Variants in SDHA observed in about 807,000 individuals in gnomAD.
The protein encoded by SDHA is succinate dehydrogenase complex flavoprotein subunit A, also known as succinate dehydrogenase [ubiquinone] flavoprotein subunit, mitochondrial.
SDHA carries 48 observed loss-of-function variants against 78.4 expected under a neutral mutation model. The observed-to-expected ratio is 0.61, with a 90% confidence interval of 0.49 to 0.78. The LOEUF (loss-of-function observed/expected upper bound fraction) is 0.78, where lower values mean the gene tolerates loss of function less well. Ranked by LOEUF, SDHA falls within the 30% of genes least tolerant of loss-of-function variation. SDHA has a pLI of 0.00. For synonymous variants in SDHA, 326 were observed against 353.9 expected (o/e 0.92, Z 0.88); for missense variants, 680 against 892.7 (o/e 0.76, Z 3.04).
At chr5:253,318 A>G (rs1218900088) in intron 13 of SDHA, among the ~76,000 whole-genome samples, 1 of 152,200 alleles carries the variant, frequency 6.6e-6, no homozygotes, top group African/African-American at 2.4e-5. Flanking sequence ...CTCCACTAGA[A>G]TATGCTGATG....
intron 11 of SDHA, among the ~76,000 whole-genome samples, chr5:244,829 G>C (rs928149925): frequency 6.6e-6 from 1 of 152,174 alleles, no homozygotes; most frequent in Non-Finnish European, 1.5e-5. Flanking sequence ...TTATTACAAC[G>C]ATGGGGAGCA....
intron 6 of SDHA, among the ~76,000 whole-genome samples, chr5:230,519 G>A (rs956650250): frequency 7.9e-5 from 12 of 152,144 alleles, no homozygotes; most frequent in African/African-American, 1.9e-4. Context: ...CCAGCTACTC[G>A]GGAGGCTGAG....
chr5:257,797 C>A (rs1419147902), downstream of SDHA, among the ~76,000 whole-genome samples: 2 of 89,550 alleles, frequency 2.2e-5, no homozygotes, highest in South Asian at 4.1e-4. Context: ...TGAGCTCCAC[C>A]CCCTGCCAGA....
rs780654623 is a variant in SDHA at position 225,479 on chromosome 5, G to A, written c.373G>A (p.Asp125Asn). Residue 125 changes from aspartate to asparagine, a missense_variant, in exon 4 of 15, where the codon GAC becomes AAC. Physicochemically the swap from Asp to Asn is conservative, Grantham distance 23 (BLOSUM62 1). Transcript: ENST00000264932. Reference protein sequence around the residue: ...EEDNWRWHFYDTVKGSDWLGD... With the variant: ...EEDNWRWHFYNTVKGSDWLGD... ...GGACAACTGGAGGTGGCATTTCTAC[G>A]ACACCGTGAAGGGCTCCGACTGGCT... is the stretch of plus-strand genomic sequence containing the variant. 8.1e-6 allele frequency: 13 copies of A among 1,613,722 alleles called. No individual in the cohort carries two copies. The highest frequency in any genetic ancestry group is 3.3e-5 in the Admixed American group (2 of 60,024).
Position 224,459 on chromosome 5 carries a change from G to A in SDHA, c.250G>A (p.Gly84Arg), listed in dbSNP as rs2126542993. 2.5e-6 allele frequency: 4 copies of A among 1,613,612 alleles called. No homozygotes were observed. The highest frequency in any genetic ancestry group is 3.4e-6 in the Non-Finnish European group (4 of 1,179,862). ...LRAAFGLSEA[G>R]FNTACVTKLF... The stretch of plus-strand genomic sequence containing the variant: ...AGCTGCATTTGGCCTTTCTGAGGCA[G>A]GGTTTAATACAGCATGTGTTACCAA... Residue 84 changes from glycine to arginine, a missense_variant, in exon 3 of 15, where the codon GGG becomes AGG. Coordinates refer to ENST00000264932, the MANE Select transcript of SDHA (RefSeq NM_004168.4).
chr5:232,290 A>G (rs193163809), intron 7 of SDHA, among the ~76,000 whole-genome samples: 3 of 152,146 alleles, frequency 2.0e-5, no homozygotes, highest in African/African-American at 7.2e-5. Flanking sequence ...GACTCACTGC[A>G]GCCTTTGTCT....
chr5:234,222 A>T (rs1353680395), intron 8 of SDHA: 1 of 161,034 alleles, frequency 6.2e-6, no homozygotes, highest in Non-Finnish European at 1.4e-5. Context: ...GATCGAGACC[A>T]TCCTGGCTAA....
At chr5:266,293 C>G in the SDHA span, among the ~76,000 whole-genome samples, 2 of 151,012 alleles carry the variant, frequency 1.3e-5, no homozygotes, top group African/African-American at 2.4e-5. Context: ...AGTGTTAGGA[C>G]AAAGAATTAA....
At chr5:262,848 G>A in the SDHA span, among the ~76,000 whole-genome samples, 1 of 152,188 alleles carries the variant, frequency 6.6e-6, no homozygotes, top group Admixed American at 6.5e-5. Flanking sequence ...TAAAAGCCAC[G>A]ATTACTTTTG....
intron 5 of SDHA, among the ~76,000 whole-genome samples, chr5:226,916 G>A (rs1735065015): frequency 7.8e-6 from 1 of 128,262 alleles, no homozygotes; most frequent in African/African-American, 3.1e-5. Flanking sequence ...GCAACAGAAT[G>A]AGACTCCATC....
intron 3 of SDHA, among the ~76,000 whole-genome samples, 180 bp from the exon 4 acceptor site, chr5:225,239 G>A (rs983845596): frequency 6.6e-6 from 1 of 152,188 alleles, no homozygotes; most frequent in Non-Finnish European, 1.5e-5. Flanking sequence ...GCGAGTCGGG[G>A]AGGGGTTGTG....
intron 7 of SDHA, among the ~76,000 whole-genome samples, chr5:233,059 T>C (rs533064536): frequency 6.6e-6 from 1 of 152,378 alleles, no homozygotes; most frequent in African/African-American, 2.4e-5. Context: ...AAATAATCAT[T>C]ATTACTGTCC....
At chr5:218,829 T>C (rs1192978315) in intron 1 of SDHA, among the ~76,000 whole-genome samples, 9 of 152,052 alleles carry the variant, frequency 5.9e-5, no homozygotes, top group African/African-American at 2.4e-5. Flanking sequence ...CTGGCTGGGC[T>C]GGGCCTCTGC....
intron 1 of SDHA, among the ~76,000 whole-genome samples, chr5:218,632 C>G (rs1248579134): frequency 1.3e-5 from 2 of 152,208 alleles, no homozygotes; most frequent in Non-Finnish European, 2.9e-5. Context: ...AGTAGATAGT[C>G]CGCGTCCGGG....
chr5:258,720 G>A (rs1271332122), downstream of SDHA, among the ~76,000 whole-genome samples: 4 of 100,914 alleles, frequency 4.0e-5, no homozygotes, highest in African/African-American at 1.3e-4. Flanking sequence ...GAGCATTACC[G>A]TGTGAGCTCC....
At position 223,501 on chromosome 5, in the gene SDHA, C is replaced by T. The variant is rs1171584124; in HGVS notation, c.83C>T (p.Thr28Ile). ...CTCCAGTGGCCAACAGTGTTGCAAA[C>T]AGGAACCCGAGGTTTTCACTTCACT... ...LAKAWPTVLQ[T>I]GTRGFHFTVD... The change falls in exon 2 of 15, where the codon ACA (threonine) becomes ATA (isoleucine). Residue 28 changes from threonine (T) to isoleucine (I), a missense_variant. Thr to Ile is a moderately conservative substitution (Grantham distance 89). Transcript: ENST00000264932. The T allele has an allele frequency of 6.2e-7, 1 of 1,613,516 alleles. No homozygotes were observed. The highest frequency in any genetic ancestry group is 8.5e-7 in the Non-Finnish European group (1 of 1,179,416).
At chr5:232,707 G>A (rs368478681) in intron 7 of SDHA, among the ~76,000 whole-genome samples, 5 of 151,668 alleles carry the variant, frequency 3.3e-5, no homozygotes, top group Admixed American at 1.3e-4. Flanking sequence ...TTTTTTAAAA[G>A]CAAGATTGCC....
chr5:257,238 CCA>C (rs1216115743), downstream of SDHA, among the ~76,000 whole-genome samples: 1 of 152,184 alleles, frequency 6.6e-6, no homozygotes, highest in Non-Finnish European at 1.5e-5. Flanking sequence ...AATCCCCAGG[CCA>C]CAGATTGTTA....
chr5:234,318 C>G (rs1482603575), intron 8 of SDHA: 3 of 150,528 alleles, frequency 2.0e-5, no homozygotes, highest in Admixed American at 1.3e-4. Context: ...ACTCGGGAGG[C>G]TGAGGCAGGA....
Sources: gnomAD v4.1 joint callset for allele counts (sites outside exome capture counted in the v4.1 genomes callset) on GRCh38, gnomAD v4.1.1 for gene constraint, MANE v1.5 for transcripts, NCBI Gene and HGNC (gene_info 2026-07-23, HGNC 2026-07-21) for gene names.